The following TLN2 variants were observed in gnomAD, a reference collection of about 807,000 sequenced individuals.
TLN2 encodes talin-2.
Under a neutral mutation model 294.7 loss-of-function variants are expected in TLN2, and 118 were observed. The observed-to-expected ratio is 0.40, with a 90% CI of 0.34 to 0.47. TLN2 has a LOEUF of 0.47. Ranked by LOEUF, TLN2 falls within the 20% of genes least tolerant of loss-of-function variation. The pLI is 0.84. For missense variants in TLN2, 3,083 were observed against 3,282.2 expected (o/e 0.94, Z 1.48); for synonymous variants, 1,431 against 1,304.5 (o/e 1.10, Z -2.09).
intron 1 of TLN2, among the ~76,000 whole-genome samples, chr15:62,398,402 G>A (rs1415525641): frequency 6.6e-6 from 1 of 152,070 alleles, no homozygotes; most frequent in Non-Finnish European, 1.5e-5. Context: ...AAATTACCCA[G>A]TCTTGGGTAT....
chr15:62,529,438 T>G (rs920684908), intron 1 of TLN2, among the ~76,000 whole-genome samples: 7 of 151,872 alleles, frequency 4.6e-5, no homozygotes, highest in African/African-American at 1.7e-4. Context: ...AAGAGAGAAA[T>G]AGGAGAGAAC....
chr15:62,724,759 T>C (rs2060344725), intron 26 of TLN2, among the ~76,000 whole-genome samples: 2 of 152,204 alleles, frequency 1.3e-5, no homozygotes, highest in South Asian at 4.1e-4. Context: ...TATCCAGTTA[T>C]GAGACATACC....
intron 27 of TLN2, among the ~76,000 whole-genome samples, chr15:62,725,994 A>G (rs1410007802): frequency 6.6e-6 from 1 of 152,028 alleles, no homozygotes; most frequent in Non-Finnish European, 1.5e-5. Flanking sequence ...AAAAGAAGAA[A>G]CTCAGGCTCA....
At chr15:62,547,530 C>T (rs1296586071) in intron 1 of TLN2, among the ~76,000 whole-genome samples, 2 of 152,190 alleles carry the variant, frequency 1.3e-5, no homozygotes, top group Non-Finnish European at 1.5e-5. Context: ...CAGATGTACT[C>T]CCAGAGTGCT....
chr15:62,610,377 C>G (rs959647797), intron 2 of TLN2, among the ~76,000 whole-genome samples: 1 of 152,118 alleles, frequency 6.6e-6, no homozygotes, highest in Non-Finnish European at 1.5e-5. Context: ...AGTACATAAC[C>G]TTGTTTTATG....
At chr15:62,548,691 C>T (rs1015415288) in intron 1 of TLN2, among the ~76,000 whole-genome samples, 7 of 152,164 alleles carry the variant, frequency 4.6e-5, no homozygotes, top group Admixed American at 3.9e-4. Flanking sequence ...AATCAGAATA[C>T]GGTTGAAATT....
At chr15:62,831,189 G>A (rs2068802997) in intron 54 of TLN2, 1 of 151,952 alleles carries the variant, frequency 6.6e-6, no homozygotes, top group South Asian at 2.1e-4. Context: ...TTAAAATTTG[G>A]GAAATAAAAA....
chr15:62,825,813 T>TATTATATATTATA (rs1555521956), intron 54 of TLN2, among the ~76,000 whole-genome samples: 4 of 3,190 alleles, frequency 1.3e-3, no homozygotes, highest in African/African-American at 3.0e-3. Context: ...ATATATTATA[T>TATTATATATTATA]TATAATATAT....
chr15:62,428,277 C>T (rs569155663), intron 1 of TLN2, among the ~76,000 whole-genome samples: 9 of 152,280 alleles, frequency 5.9e-5, no homozygotes, highest in African/African-American at 2.2e-4. Context: ...GTGGCCTTAA[C>T]ACCGGTGACA....
At chr15:62,688,591 A>G (rs1212128209) in intron 12 of TLN2, among the ~76,000 whole-genome samples, 4 of 152,082 alleles carry the variant, frequency 2.6e-5, no homozygotes, top group Admixed American at 2.6e-4. Context: ...CAGTTTTCTC[A>G]GTTGCCGAGA....
intron 3 of TLN2, among the ~76,000 whole-genome samples, chr15:62,643,226 A>G (rs2051352916): frequency 6.6e-6 from 1 of 152,074 alleles, no homozygotes; most frequent in Non-Finnish European, 1.5e-5. Flanking sequence ...AATGTTGTAG[A>G]TTACAAAGTA....
At chr15:62,560,789 G>T (rs1245321652) in intron 1 of TLN2, among the ~76,000 whole-genome samples, 1 of 152,222 alleles carries the variant, frequency 6.6e-6, no homozygotes, top group Non-Finnish European at 1.5e-5. Flanking sequence ...AATGAAGGCT[G>T]TCAGAGAGGA....
chr15:62,567,364 T>C (rs1489617232), intron 1 of TLN2, among the ~76,000 whole-genome samples: 1 of 152,230 alleles, frequency 6.6e-6, no homozygotes, highest in Non-Finnish European at 1.5e-5. Context: ...TGTTTGAAGT[T>C]TGGAACACAT....
At chr15:62,635,887 C>T (rs2050328431) in intron 3 of TLN2, among the ~76,000 whole-genome samples, 1 of 152,178 alleles carries the variant, frequency 6.6e-6, no homozygotes, top group Non-Finnish European at 1.5e-5. Flanking sequence ...ATCGATTTCT[C>T]TATGTTCCCT....
At chr15:62,741,748 C>CGCGCGCGCGCGCGTGTGTAT in intron 32 of TLN2, among the ~76,000 whole-genome samples, 1 of 131,072 alleles carries the variant, frequency 7.6e-6, no homozygotes, top group Non-Finnish European at 1.6e-5. Context: ...AAAATTTGCG[C>CGCGCGCGCGCGCGTGTGTAT]GTGTGTGTGT....
chr15:62,746,390 C>A (rs2061612099), intron 32 of TLN2, among the ~76,000 whole-genome samples: 1 of 152,156 alleles, frequency 6.6e-6, no homozygotes, highest in Admixed American at 6.5e-5. Context: ...CCGGCTGTCT[C>A]CTTGTTCTTG....
chr15:62,574,677 T>G (rs1436326435), intron 1 of TLN2, among the ~76,000 whole-genome samples: 3 of 150,340 alleles, frequency 2.0e-5, no homozygotes, highest in Non-Finnish European at 4.4e-5. Context: ...TTTTGCTTAC[T>G]GAGGTATGAT....
In TLN2 at chr15:62,510,244, A is replaced by G. The variant is rs542170993; in HGVS notation, c.-237-79443A>G. Among the ~76,000 whole-genome samples the G allele has an allele frequency of 6.6e-5, 10 of 152,114 alleles. No individual in the cohort carries two copies. The South Asian group carries it at 1.7e-3, about 25-fold the overall frequency. On this transcript the variant is annotated intron_variant, in intron 1 of 58. Coordinates refer to ENST00000636159, the MANE Select transcript of TLN2 (RefSeq NM_015059.3). ...CACTGGGCACCCACCAGAGCATGCC[A>G]TTTTCCTCAGGGGCCCTGGAGAAGG... is the stretch of plus-strand genomic sequence containing the variant.
intron 2 of TLN2, among the ~76,000 whole-genome samples, chr15:62,601,357 C>T (rs945256589): frequency 9.9e-5 from 15 of 152,208 alleles, no homozygotes; most frequent in Non-Finnish European, 4.4e-5. Flanking sequence ...TTTTGTTCTA[C>T]AGTCTGGATT....
Sources: gnomAD v4.1 joint callset for allele counts (sites outside exome capture counted in the v4.1 genomes callset) on GRCh38, gnomAD v4.1.1 for gene constraint, MANE v1.5 for transcripts, NCBI Gene and HGNC (gene_info 2026-07-23, HGNC 2026-07-21) for gene names.